CNTN5: variants seen among roughly 807,000 people sequenced by gnomAD.
CNTN5 encodes the protein contactin-5.
A neutral mutation model predicts 129.1 loss-of-function variants in CNTN5; 77 were observed. That is an observed-to-expected ratio of 0.60 (90% CI 0.50 to 0.72). The LOEUF (loss-of-function observed/expected upper bound fraction) is 0.72. Ranked by LOEUF, CNTN5 falls within the 30% of genes least tolerant of loss-of-function variation. The pLI is 0.00. For missense variants in CNTN5, 1,478 were observed against 1,328.8 expected, an observed-to-expected ratio of 1.11 and a Z score of -1.75; for synonymous variants, 509 against 465.6, an observed-to-expected ratio of 1.09 and a Z score of -1.20.
intron 21 of CNTN5, chr11:100,309,630 A>T (rs1373762906): frequency 1.0e-6 from 1 of 983,932 alleles, no homozygotes; most frequent in Non-Finnish European, 1.2e-6. Flanking sequence ...TTTGTTCATC[A>T]TTAAATCTCA....
intron 15 of CNTN5, among the ~76,000 whole-genome samples, chr11:100,219,123 A>T (rs905653302): frequency 9.9e-5 from 15 of 152,166 alleles, no homozygotes; most frequent in Non-Finnish European, 2.1e-4. Context: ...TAACAGATCC[A>T]TCTCTCCCCA....
intron 13 of CNTN5, among the ~76,000 whole-genome samples, chr11:100,153,788 C>T (rs149402867): frequency 4.1e-4 from 62 of 151,786 alleles, no homozygotes; most frequent in African/African-American, 1.4e-3. Flanking sequence ...ATTTGATGAC[C>T]GTATATAAAT....
chr11:100,317,137 G>A (rs954146107), intron 21 of CNTN5, among the ~76,000 whole-genome samples: 35 of 152,174 alleles, frequency 2.3e-4, no homozygotes, highest in African/African-American at 8.4e-4. Flanking sequence ...ATGTCGTGGT[G>A]GGGATTCCTT....
intron 15 of CNTN5, among the ~76,000 whole-genome samples, chr11:100,219,082 C>T (rs1949206103): frequency 1.3e-5 from 2 of 152,114 alleles, no homozygotes; most frequent in Non-Finnish European, 2.9e-5. Context: ...ATACTTTTCT[C>T]CGGACTAAGC....
At chr11:99,684,524 TA>T (rs1452425314) in intron 3 of CNTN5, among the ~76,000 whole-genome samples, 2 of 151,938 alleles carry the variant, frequency 1.3e-5, no homozygotes, top group Non-Finnish European at 2.9e-5. Flanking sequence ...TAATATTGCA[TA>T]AAAATGCTGA....
At chr11:99,036,202 A>T (rs552884038) in intron 1 of CNTN5, among the ~76,000 whole-genome samples, 34 of 152,174 alleles carry the variant, frequency 2.2e-4, no homozygotes, top group African/African-American at 7.0e-4. Flanking sequence ...GCTTGGATAA[A>T]TATTAATTTA....
chr11:99,684,640 C>T (rs1213313683), intron 3 of CNTN5, among the ~76,000 whole-genome samples: 1 of 151,826 alleles, frequency 6.6e-6, no homozygotes, highest in African/African-American at 2.4e-5. Flanking sequence ...TTCCCAGATT[C>T]CTAAGTTTTG....
At chr11:100,025,545 A>G (rs985283362) in intron 9 of CNTN5, among the ~76,000 whole-genome samples, 3 of 152,180 alleles carry the variant, frequency 2.0e-5, no homozygotes, top group African/African-American at 7.2e-5. Flanking sequence ...AGCTTCCACC[A>G]TGAGCCTGGA....
intron 3 of CNTN5, among the ~76,000 whole-genome samples, chr11:99,730,210 C>T (rs1943485041): frequency 6.6e-6 from 1 of 152,126 alleles, no homozygotes; most frequent in Non-Finnish European, 1.5e-5. Flanking sequence ...GTGTTCTATT[C>T]CCTAGAAGGA....
intron 21 of CNTN5, among the ~76,000 whole-genome samples, chr11:100,328,986 G>A (rs1291339006): frequency 6.6e-6 from 1 of 152,130 alleles, no homozygotes; most frequent in Non-Finnish European, 1.5e-5. Flanking sequence ...AAAAAACTGA[G>A]TCGGCTTGGT....
At chr11:99,941,336 T>A (rs1442212836) in intron 7 of CNTN5, among the ~76,000 whole-genome samples, 1 of 152,084 alleles carries the variant, frequency 6.6e-6, no homozygotes, top group African/African-American at 2.4e-5. Flanking sequence ...CTTTACCCAA[T>A]ATAATAGTTT....
chr11:100,224,916 C>G, intron 16 of CNTN5, 104 bp downstream of exon 16: 1 of 1,097,558 alleles, frequency 9.1e-7, no homozygotes, highest in Non-Finnish European at 1.2e-6. Context: ...GTGCATTTTA[C>G]TTTCAATTTT....
At chr11:99,744,932 T>C (rs1442563912) in intron 3 of CNTN5, among the ~76,000 whole-genome samples, 1 of 152,174 alleles carries the variant, frequency 6.6e-6, no homozygotes, top group Non-Finnish European at 1.5e-5. Context: ...GCAGGCGTTA[T>C]TTTTAGCGTT....
Position 100,046,981 on chromosome 11 carries a change from G to C in CNTN5, c.981-14231G>C, listed in dbSNP as rs116145820. Among the ~76,000 whole-genome samples the C allele has an allele frequency of 8.1e-3, 1,238 of 152,288 alleles. 13 individuals carry two copies. The highest frequency in any genetic ancestry group is 0.025 in the African/African-American group (1,049 of 41,570). On this transcript the variant is annotated intron_variant, in intron 9 of 24. Transcript: ENST00000524871. ...CAAGTTTCATAGAGCTGAAAGGACA[G>C]AGAGGGAGATCAGTGAAGCTGAGGT...
intron 3 of CNTN5, among the ~76,000 whole-genome samples, chr11:99,645,013 T>G (rs1687233458): frequency 6.6e-6 from 1 of 151,194 alleles, no homozygotes. Flanking sequence ...ATGCCTGTAA[T>G]CCCAGCACTT....
intron 2 of CNTN5, among the ~76,000 whole-genome samples, chr11:99,426,634 A>G (rs1943134089): frequency 1.3e-5 from 2 of 152,146 alleles, no homozygotes; most frequent in South Asian, 4.1e-4. Context: ...TTTGATATGA[A>G]TGTTTAATTT....
At chr11:100,301,263 G>T (rs1394876944) in intron 20 of CNTN5, among the ~76,000 whole-genome samples, 2 of 151,702 alleles carry the variant, frequency 1.3e-5, no homozygotes, top group South Asian at 2.1e-4. Context: ...AACACGCTTT[G>T]TATAGTAACA....
At chr11:99,349,512 AC>A (rs1938142583) in intron 2 of CNTN5, among the ~76,000 whole-genome samples, 1 of 152,166 alleles carries the variant, frequency 6.6e-6, no homozygotes, top group African/African-American at 2.4e-5. Flanking sequence ...CAAGGTACAC[AC>A]AACATGTTTG....
chr11:99,320,820 G>A (rs1282679820), intron 1 of CNTN5, among the ~76,000 whole-genome samples: 1 of 152,078 alleles, frequency 6.6e-6, no homozygotes, highest in Non-Finnish European at 1.5e-5. Flanking sequence ...CAGACATTGG[G>A]TCAAACATTA....
Sources: allele counts gnomAD v4.1 joint callset (sites outside exome capture counted in the v4.1 genomes callset), GRCh38; gene constraint gnomAD v4.1.1; transcripts MANE v1.5; gene names NCBI Gene and HGNC (gene_info 2026-07-23, HGNC 2026-07-21).